The following WDR88 variants were observed in gnomAD, a reference collection of about 807,000 sequenced individuals.
The protein encoded by WDR88 is WD repeat domain 88.
A neutral mutation model predicts 46.8 loss-of-function variants in WDR88; 40 were observed. The ratio of observed to expected loss-of-function variants is 0.86; its 90% CI spans 0.66 to 1.11. The LOEUF (loss-of-function observed/expected upper bound fraction) is 1.11, where lower values mean the gene tolerates loss of function less well. Among genes scored for constraint, WDR88 ranks in the 50% most tolerant of loss-of-function variants. WDR88 has a pLI of 0.00. For missense variants in WDR88, 562 were observed against 602.4 expected (o/e 0.93, Z 0.70); for synonymous variants, 235 against 240.7 (o/e 0.98, Z 0.22).
rs755400871 is a variant in WDR88, at chr19:33,156,437, A to G, written c.892A>G (p.Lys298Glu). 1.9e-6 allele frequency: 3 copies of G among 1,614,168 alleles called. No homozygotes were observed. The South Asian group carries it at 3.3e-5, about 18-fold the overall frequency. The part of the protein sequence containing the change: ...LCTSSWDKNL[K>E]IWNVHTGEFR... Reference sequence around the variant, plus strand: ...TACAAGCTCCTGGGATAAAAACTTAAAAATATGGAACGTCCACACAGGGGA... The same window carrying G: ...TACAAGCTCCTGGGATAAAAACTTAGAAATATGGAACGTCCACACAGGGGA... The change falls in exon 7 of 11, where the codon AAA (lysine) becomes GAA (glutamate). Residue 298 changes from lysine (K) to glutamate (E), a missense_variant. Physicochemically the swap from Lys to Glu is moderately conservative, Grantham distance 56. Coordinates refer to ENST00000355868, the MANE Select transcript of WDR88 (RefSeq NM_173479.4).
Position 33,132,250 on chromosome 19 carries a change from G to A in WDR88, c.81G>A (p.Glu27=). The change falls in exon 1 of 11, where the codon GAG becomes GAA. Residue 27 remains glutamate, a synonymous_variant. Coordinates refer to ENST00000355868, the MANE Select transcript of WDR88 (RefSeq NM_173479.4). ...CGCCACCCTCCGCCCCCGCCAGCGA[G>A]TATTGTCCCGGCAAGCTGTCCTGGG... is the stretch of plus-strand genomic sequence containing the variant. ...KLPPPSAPAS[E]YCPGKLSWGT... The A allele has an allele frequency of 6.2e-7, 1 of 1,612,680 alleles. No individual in the cohort carries two copies. Among genetic ancestry groups the A allele is most frequent in the South Asian group, 1.1e-5 (1 of 91,088 alleles).
chr19:33,157,572 T>C, intron 7 of WDR88, among the ~76,000 whole-genome samples: 1 of 144,894 alleles, frequency 6.9e-6, no homozygotes, highest in Admixed American at 7.1e-5. Context: ...TATGTATATA[T>C]GTGTATATAT....
In WDR88 at chr19:33,144,947, G is replaced by A. The variant is rs3848597; in HGVS notation, c.476+15G>A. ...GACAGCAGCAGGTGACCTTTCCCTC[G>A]TCTTACACTGGGAAGAGGGAGGGTG... is the stretch of plus-strand genomic sequence containing the variant. On this transcript the variant is annotated intron_variant, in intron 3 of 10. Coordinates refer to ENST00000355868, the MANE Select transcript of WDR88 (RefSeq NM_173479.4). 589,959 of 1,605,884 alleles carry A rather than the reference G, an allele frequency of 0.37. 116,541 individuals are homozygous for A. The highest frequency in any genetic ancestry group is 0.61 in the South Asian group (55,063 of 90,296).
rs764181250 is a variant in WDR88, at chr19:33,175,406, G to T, written c.1253G>T (p.Cys418Phe). 1.1e-5 allele frequency: 18 copies of T among 1,614,010 alleles called. No homozygotes were observed. The highest frequency in any genetic ancestry group is 5.5e-5 in the South Asian group (5 of 91,078). ...VGLKLKQCER[C>F]DRPFSIFKSD... ...AATATCCCATGTCAGTGCGAAAGAT[G>T]TGACAGGCCTTTCTCCATCTTCAAG... Residue 418 changes from cysteine (C) to phenylalanine (F), a missense_variant, in exon 11 of 11, where the codon TGT (cysteine) becomes TTT (phenylalanine). Transcript: ENST00000355868.
chr19:33,175,302 C>T (rs1974104155), intron 10 of WDR88, 94 bp from the exon 11 acceptor site: 2 of 1,329,336 alleles, frequency 1.5e-6, no homozygotes, highest in Admixed American at 4.1e-5. Context: ...CTTGCCTTGC[C>T]CCAGCTCAAG....
Position 33,170,982 on chromosome 19 carries a change from ATATTAT to A in WDR88, c.1150-1355_1150-1350del, listed in dbSNP as rs544315667. On this transcript the variant is annotated intron_variant, in intron 9 of 10. Transcript: ENST00000355868. The stretch of plus-strand genomic sequence containing the variant: ...ATCACCACACCCAGCTAAATAAAAA[ATATTAT>A]TATTATTATTTTTTTGAGACAGAGT... 3.9e-4 allele frequency among the ~76,000 whole-genome samples: 60 copies of A among 152,222 alleles called. 2 individuals are homozygous for A. In the South Asian group the frequency reaches 0.011, roughly 27 times the overall value.
chr19:33,149,884 T>A (rs1055101863), intron 5 of WDR88, among the ~76,000 whole-genome samples: 2 of 152,018 alleles, frequency 1.3e-5, no homozygotes, highest in Non-Finnish European at 2.9e-5. Flanking sequence ...GGTCTCGAGC[T>A]CCTGACCTCA....
chr19:33,134,995 C>T (rs1408810932), intron 1 of WDR88, among the ~76,000 whole-genome samples: 2 of 151,722 alleles, frequency 1.3e-5, no homozygotes, highest in African/African-American at 2.4e-5. Context: ...ATTTCCCCCA[C>T]CCCCACACTT....
Position 33,147,876 on chromosome 19 carries a change from C to T in WDR88, c.540+168C>T, listed in dbSNP as rs544936489. On this transcript the variant is annotated intron_variant, in intron 4 of 10. Transcript: ENST00000355868. ...GTACAGATGTGAACTGCACCCACAA[C>T]AGCCATTGCTTGCAAAAAGTCTGGA... Among the ~76,000 whole-genome samples the T allele has an allele frequency of 3.3e-5, 5 of 152,226 alleles. No homozygotes were observed. The South Asian group carries it at 1.0e-3, about 32-fold the overall frequency.
intron 6 of WDR88, among the ~76,000 whole-genome samples, chr19:33,151,633 G>A (rs1973635900): frequency 6.6e-6 from 1 of 152,194 alleles, no homozygotes; most frequent in Non-Finnish European, 1.5e-5. Flanking sequence ...TAATCCCAGA[G>A]CTTTGGGAGG....
At chr19:33,144,003 C>T (rs923693683) in intron 2 of WDR88, among the ~76,000 whole-genome samples, 3 of 152,120 alleles carry the variant, frequency 2.0e-5, no homozygotes, top group Non-Finnish European at 2.9e-5. Flanking sequence ...GGGATGGGGT[C>T]GTGCTTCTAA....
At chr19:33,167,906 C>T (rs568885257) in intron 9 of WDR88, among the ~76,000 whole-genome samples, 31 of 152,038 alleles carry the variant, frequency 2.0e-4, no homozygotes, top group South Asian at 1.0e-3. Flanking sequence ...CCGGTAGAAA[C>T]GGGATTTCAC....
At chr19:33,166,579 A>G (rs551393662) in intron 9 of WDR88, among the ~76,000 whole-genome samples, 1 of 152,088 alleles carries the variant, frequency 6.6e-6, no homozygotes, top group South Asian at 2.1e-4. Context: ...CCTGGGCGAC[A>G]GAGTGAGACC....
At chr19:33,135,435 T>C (rs1475862468) in intron 1 of WDR88, among the ~76,000 whole-genome samples, 2 of 152,196 alleles carry the variant, frequency 1.3e-5, no homozygotes, top group Non-Finnish European at 2.9e-5. Flanking sequence ...TTCTCTTTCT[T>C]TGAGATGGAG....
At chr19:33,157,589 A>C (rs1428647972) in intron 7 of WDR88, among the ~76,000 whole-genome samples, 1 of 143,714 alleles carries the variant, frequency 7.0e-6, no homozygotes, top group African/African-American at 2.5e-5. Flanking sequence ...ATATATGTAT[A>C]TATGTGTATA....
At chr19:33,136,159 G>A (rs1331009028) in intron 1 of WDR88, among the ~76,000 whole-genome samples, 6 of 151,652 alleles carry the variant, frequency 4.0e-5, no homozygotes, top group African/African-American at 1.5e-4. Context: ...GGGTTCAAGC[G>A]ATTCTCCTGC....
At chr19:33,134,265 C>T (rs774558395) in intron 1 of WDR88, among the ~76,000 whole-genome samples, 1 of 152,098 alleles carries the variant, frequency 6.6e-6, no homozygotes, top group East Asian at 1.9e-4. Flanking sequence ...TGGTTCCCCC[C>T]TCTTGCTAAT....
At chr19:33,158,529 G>C (rs1348982285) in intron 7 of WDR88, among the ~76,000 whole-genome samples, 1 of 152,132 alleles carries the variant, frequency 6.6e-6, no homozygotes, top group Non-Finnish European at 1.5e-5. Flanking sequence ...ATATTTATTT[G>C]TAAACCTAAA....
chr19:33,175,473 C>G lies in WDR88; in HGVS notation c.1320C>G (p.Cys440Trp), dbSNP rs1293226153. 1.2e-6 allele frequency: 2 copies of G among 1,614,048 alleles called. No homozygotes were observed. Among genetic ancestry groups the G allele is most frequent in the African/African-American group, 2.7e-5 (2 of 74,920 alleles). The change falls in exon 11 of 11, where the codon TGC (cysteine) becomes TGG (tryptophan). Residue 440 changes from cysteine (C) to tryptophan (W), a missense_variant. Transcript: ENST00000355868. Reference protein sequence around the residue: ...SSEMFTQCVFCRIDTRGLPAD... With the variant: ...SSEMFTQCVFWRIDTRGLPAD... ...AAATGTTCACCCAATGCGTGTTCTGCCGGATAGATACAAGGGGCTTGCCAG... is the reference window on the plus strand; with the variant it reads ...AAATGTTCACCCAATGCGTGTTCTGGCGGATAGATACAAGGGGCTTGCCAG...
Sources: gnomAD v4.1 joint callset for allele counts (sites outside exome capture counted in the v4.1 genomes callset) on GRCh38, gnomAD v4.1.1 for gene constraint, MANE v1.5 for transcripts, NCBI Gene and HGNC (gene_info 2026-07-23, HGNC 2026-07-21) for gene names.